Variants in CLGN observed in about 807,000 individuals in gnomAD.
The protein encoded by CLGN is testis tissue sperm-binding protein Li 79P.
CLGN carries 62 observed loss-of-function variants against 79.1 expected under a neutral mutation model. The observed-to-expected ratio is 0.78, with a 90% CI of 0.64 to 0.97. The LOEUF (loss-of-function observed/expected upper bound fraction) is 0.97. Among genes scored for constraint, CLGN ranks in the 50% least tolerant of loss-of-function variants. CLGN has a pLI of 0.00. For synonymous variants in CLGN, 225 were observed against 224.7 expected (o/e 1.00, Z -0.01); for missense variants, 647 against 715.5 (o/e 0.90, Z 1.09).
chr4:140,401,874 C>G, intron 6 of CLGN, 111 bp downstream of exon 6: 1 of 629,576 alleles, frequency 1.6e-6, no homozygotes, highest in Non-Finnish European at 2.7e-6. Context: ...AAAAAGATAT[C>G]TACAATTCTT....
At chr4:140,391,586 A>C (rs975956511) in intron 13 of CLGN, among the ~76,000 whole-genome samples, 3 of 151,830 alleles carry the variant, frequency 2.0e-5, no homozygotes, top group African/African-American at 7.2e-5. Flanking sequence ...AGTGAGTTAA[A>C]CACTGTGCTT....
At chr4:140,404,663 C>CT (rs148292944) in intron 5 of CLGN, among the ~76,000 whole-genome samples, 10,722 of 149,012 alleles carry the variant, frequency 0.072, 517 homozygotes, top group African/African-American at 0.13. Flanking sequence ...TTCTTTCTTT[C>CT]TTTTTTTTTG....
intron 1 of CLGN, among the ~76,000 whole-genome samples, chr4:140,425,622 CTTTTTTTTTTTTT>C (rs60198755): frequency 3.1e-5 from 3 of 97,178 alleles, no homozygotes; most frequent in South Asian, 3.4e-4. Flanking sequence ...TTTGTAATTC[CTTTTTTTTTTTTT>C]TTTTTTTTTT....
chr4:140,421,588 C>T (rs1169395435), intron 1 of CLGN, among the ~76,000 whole-genome samples: 3 of 149,862 alleles, frequency 2.0e-5, no homozygotes, highest in Non-Finnish European at 4.4e-5. Context: ...TGCTTGTTGG[C>T]TATTTATACA....
intron 7 of CLGN, 90 bp downstream of exon 7, chr4:140,400,264 GGTA>G (rs1728973981): frequency 2.4e-6 from 2 of 829,878 alleles, no homozygotes; most frequent in Admixed American, 4.9e-5. Flanking sequence ...TTCAGGATGG[GGTA>G]CACATTTGTT....
chr4:140,415,141 A>T (rs927592170), intron 1 of CLGN, among the ~76,000 whole-genome samples: 1 of 152,166 alleles, frequency 6.6e-6, no homozygotes, highest in Non-Finnish European at 1.5e-5. Context: ...TTTACAGACA[A>T]ACAAATGCTG....
At position 140,399,153 on chromosome 4, in the gene CLGN, C is replaced by A. The variant is rs147218532; in HGVS notation, c.695-113G>T. The stretch of plus-strand genomic sequence containing the variant: ...CCATGGGTAAAGCTTTTTTCCCAAC[C>A]AGAAATAGAGGAATAACCAATGTAT... On this transcript the variant is annotated intron_variant, in intron 7 of 14. Coordinates refer to ENST00000325617, the MANE Select transcript of CLGN (RefSeq NM_004362.3). 14 of 774,078 alleles carry A rather than the reference C, an allele frequency of 1.8e-5. No individual in the cohort carries two copies. The African/African-American group carries it at 2.5e-4, about 14-fold the overall frequency. The allele number at this position is 774,078 out of a possible 1,614,324, so 48.0% of individuals were successfully genotyped here.
rs150607652 is a variant in CLGN at position 140,406,052 on chromosome 4, G to T, written c.309C>A (p.Asn103Lys). 28 of 1,612,428 alleles carry T rather than the reference G, an allele frequency of 1.7e-5. No individual in the cohort carries two copies. The highest frequency in any genetic ancestry group is 1.0e-4 in the Admixed American group (6 of 59,770). The stretch of plus-strand genomic sequence containing the variant: ...CCAGTCCTCTGTCACCAGGTACCTG[G>T]TTTTCTTTCAACTCTTCAATTTCCC... ...GRWEIEELKE[N>K]QVPGDRGLVL... Residue 103 changes from asparagine (N) to lysine (K), a missense_variant, in exon 5 of 15, where the codon AAC (asparagine) becomes AAA (lysine). By Grantham distance (94) the Asn-to-Lys change is moderately conservative. Coordinates refer to ENST00000325617, the MANE Select transcript of CLGN (RefSeq NM_004362.3).
chr4:140,421,255 A>G (rs915218495), intron 1 of CLGN, among the ~76,000 whole-genome samples: 1 of 152,128 alleles, frequency 6.6e-6, no homozygotes, highest in Non-Finnish European at 1.5e-5. Flanking sequence ...ATAATCCTAC[A>G]ATGAATATGG....
intron 1 of CLGN, among the ~76,000 whole-genome samples, chr4:140,416,732 C>T (rs2126631779): frequency 6.6e-6 from 1 of 152,082 alleles, no homozygotes; most frequent in African/African-American, 2.4e-5. Context: ...AAAAAGAGTC[C>T]AGGACCAGAT....
At chr4:140,422,079 A>C (rs908967948) in intron 1 of CLGN, among the ~76,000 whole-genome samples, 10 of 152,160 alleles carry the variant, frequency 6.6e-5, no homozygotes, top group Admixed American at 6.5e-5. Flanking sequence ...TATAAAAAAA[A>C]TTTGAACATA....
intron 11 of CLGN, 131 bp from the exon 12 acceptor site, chr4:140,392,842 T>A (rs1728801870): frequency 1.3e-6 from 1 of 785,392 alleles, no homozygotes; most frequent in African/African-American, 1.8e-5. Flanking sequence ...GTAAAAGAAG[T>A]TTCATTTTCC....
At chr4:140,398,195 C>T (rs867775285) in intron 8 of CLGN, among the ~76,000 whole-genome samples, 3 of 149,870 alleles carry the variant, frequency 2.0e-5, no homozygotes, top group African/African-American at 7.4e-5. Context: ...AAAACAAATT[C>T]TAACACATTT....
intron 3 of CLGN, among the ~76,000 whole-genome samples, 191 bp from the exon 4 acceptor site, chr4:140,410,086 G>A (rs896770767): frequency 6.6e-6 from 1 of 151,974 alleles, no homozygotes; most frequent in Non-Finnish European, 1.5e-5. Context: ...AACCGAATTT[G>A]GAATCTATAA....
intron 2 of CLGN, among the ~76,000 whole-genome samples, chr4:140,411,772 A>G (rs925717714): frequency 4.6e-5 from 7 of 152,082 alleles, no homozygotes; most frequent in African/African-American, 1.7e-4. Flanking sequence ...CTGAATTACA[A>G]CTTTACTCTT....
At chr4:140,419,815 A>G (rs1053398497) in intron 1 of CLGN, among the ~76,000 whole-genome samples, 1 of 152,180 alleles carries the variant, frequency 6.6e-6, no homozygotes, top group African/African-American at 2.4e-5. Flanking sequence ...GATAGGAAGT[A>G]AATGTAAAGG....
intron 1 of CLGN, among the ~76,000 whole-genome samples, chr4:140,417,001 C>T (rs1314002810): frequency 2.0e-5 from 3 of 152,040 alleles, no homozygotes; most frequent in Admixed American, 6.6e-5. Context: ...GCTTATCCAC[C>T]ATGATGAAGT....
At chr4:140,406,952 G>A (rs991858764) in intron 4 of CLGN, among the ~76,000 whole-genome samples, 2 of 152,080 alleles carry the variant, frequency 1.3e-5, no homozygotes. Context: ...TTCCAGTATT[G>A]TGTCAACTCA....
chr4:140,409,923 T>C (rs1009078127), intron 3 of CLGN, 28 bp from the exon 4 acceptor site: 3 of 1,500,882 alleles, frequency 2.0e-6, no homozygotes, highest in Non-Finnish European at 1.8e-6. Flanking sequence ...CATACATATA[T>C]GTCATTGACA....
Sources: gnomAD v4.1 joint callset for allele counts (sites outside exome capture counted in the v4.1 genomes callset) on GRCh38, gnomAD v4.1.1 for gene constraint, MANE v1.5 for transcripts, NCBI Gene and HGNC (gene_info 2026-07-23, HGNC 2026-07-21) for gene names.